Variants in COLEC12 observed in about 807,000 individuals in gnomAD.
COLEC12 encodes collectin-12.
A neutral mutation model predicts 71.1 loss-of-function variants in COLEC12; 33 were observed. The observed-to-expected ratio is 0.46, with a 90% CI of 0.35 to 0.62. COLEC12 has a LOEUF of 0.62. Among genes scored for constraint, COLEC12 ranks in the 20% least tolerant of loss-of-function variants. The probability of loss-of-function intolerance (pLI) is 0.00; values close to 1 mark genes in which losing one functional copy is unlikely to be tolerated. For missense variants in COLEC12, 765 were observed against 916.1 expected (o/e 0.84, Z 2.13); for synonymous variants, 350 against 353.0 (o/e 0.99, Z 0.10).
At chr18:395,138 A>G (rs1275504696) in intron 2 of COLEC12, among the ~76,000 whole-genome samples, 1 of 152,236 alleles carries the variant, frequency 6.6e-6, no homozygotes, top group African/African-American at 2.4e-5. Context: ...AAGGTGAATG[A>G]AAGCCAAGTG....
chr18:325,544 G>A (rs1448048174), intron 8 of COLEC12, among the ~76,000 whole-genome samples: 4 of 149,760 alleles, frequency 2.7e-5, no homozygotes, highest in Non-Finnish European at 1.5e-5. Flanking sequence ...CGCAGGTCTA[G>A]CAGGCAGCCT....
chr18:454,128 TG>T (rs1183023775), intron 2 of COLEC12, among the ~76,000 whole-genome samples: 1 of 150,758 alleles, frequency 6.6e-6, no homozygotes, highest in African/African-American at 2.4e-5. Flanking sequence ...GCCCTCCCCA[TG>T]GGCCCCCTGG....
intron 3 of COLEC12, among the ~76,000 whole-genome samples, chr18:350,758 T>C (rs1344378587): frequency 1.3e-5 from 2 of 151,924 alleles, no homozygotes; most frequent in East Asian, 3.9e-4. Flanking sequence ...TGAAACCCCA[T>C]CTCTACTAAA....
chr18:367,661 G>A (rs1408163658), intron 2 of COLEC12, among the ~76,000 whole-genome samples: 1 of 152,154 alleles, frequency 6.6e-6, no homozygotes. Context: ...TCCAAATGAG[G>A]AAAAGTTGGC....
intron 7 of COLEC12, among the ~76,000 whole-genome samples, 190 bp from the exon 8 acceptor site, chr18:331,967 T>A (rs1314123072): frequency 2.6e-5 from 4 of 152,224 alleles, no homozygotes; most frequent in Non-Finnish European, 4.4e-5. Context: ...GGGCTTTGAC[T>A]TTTTTCCTCT....
At chr18:341,471 T>C (rs1914250659) in intron 5 of COLEC12, among the ~76,000 whole-genome samples, 2 of 152,244 alleles carry the variant, frequency 1.3e-5, no homozygotes, top group African/African-American at 2.4e-5. Flanking sequence ...GCTAGCTAGA[T>C]GTCAGCATCC....
Position 382,368 on chromosome 18 carries a change from C to G in COLEC12, c.59-24846G>C, listed in dbSNP as rs149841316. The stretch of plus-strand genomic sequence containing the variant: ...TTAGCTTCACAGATATGTGGTCTTA[C>G]TACTTTATATAGTAAATTTACTTGT... On this transcript the variant is annotated intron_variant, in intron 2 of 9. Coordinates refer to ENST00000400256, the MANE Select transcript of COLEC12 (RefSeq NM_130386.3). Among the ~76,000 whole-genome samples, 19 of 152,274 alleles carry G rather than the reference C, an allele frequency of 1.2e-4. 1 individual carries two copies. Among genetic ancestry groups the G allele is most frequent in the Admixed American group, 1.2e-3 (18 of 15,284 alleles).
chr18:333,727 A>T (rs1035091903), intron 6 of COLEC12: 3 of 152,272 alleles, frequency 2.0e-5, no homozygotes, highest in African/African-American at 7.2e-5. Context: ...TCAATAGCAG[A>T]GGGTTCCATC....
intron 2 of COLEC12, among the ~76,000 whole-genome samples, chr18:360,863 C>T (rs1419425209): frequency 6.6e-6 from 1 of 151,948 alleles, no homozygotes; most frequent in Non-Finnish European, 1.5e-5. Flanking sequence ...CCATTTTTCC[C>T]CTCCCCTTCC....
At position 450,574 on chromosome 18, in the gene COLEC12, C is replaced by G. The variant is rs752092634; in HGVS notation, c.58+30133G>C. 5.8e-4 allele frequency among the ~76,000 whole-genome samples: 88 copies of G among 152,232 alleles called. 1 individual carries two copies. The highest frequency in any genetic ancestry group is 2.1e-4 in the South Asian group (1 of 4,830). On this transcript the variant is annotated intron_variant, in intron 2 of 9. Coordinates refer to ENST00000400256, the MANE Select transcript of COLEC12 (RefSeq NM_130386.3). The stretch of plus-strand genomic sequence containing the variant: ...TATGCTTCCTGTACAGCCTGCAGAA[C>G]TGTGAGCCAATTAAACCTCTTTTCT...
intron 2 of COLEC12, among the ~76,000 whole-genome samples, chr18:459,644 T>G (rs1211961278): frequency 1.3e-5 from 2 of 152,236 alleles, no homozygotes; most frequent in African/African-American, 4.8e-5. Context: ...AGGTGCCCTA[T>G]GCACACCGCA....
intron 2 of COLEC12, among the ~76,000 whole-genome samples, chr18:423,500 T>G (rs1916138403): frequency 1.3e-5 from 2 of 152,194 alleles, no homozygotes; most frequent in Non-Finnish European, 2.9e-5. Context: ...TTCTTCACAG[T>G]GCATAAACTA....
intron 2 of COLEC12, among the ~76,000 whole-genome samples, chr18:411,049 C>T (rs951105631): frequency 1.3e-5 from 2 of 152,068 alleles, no homozygotes; most frequent in Non-Finnish European, 2.9e-5. Context: ...ACCCCTACTG[C>T]GCTATCAAAA....
At chr18:478,525 A>G (rs1476410726) in intron 2 of COLEC12, among the ~76,000 whole-genome samples, 1 of 152,138 alleles carries the variant, frequency 6.6e-6, no homozygotes, top group Non-Finnish European at 1.5e-5. Flanking sequence ...AGGCAGGAGG[A>G]TTGCTTGAGC....
intron 2 of COLEC12, among the ~76,000 whole-genome samples, chr18:438,183 T>C (rs1263197921): frequency 6.6e-6 from 1 of 152,204 alleles, no homozygotes; most frequent in African/African-American, 2.4e-5. Flanking sequence ...AAAAAGTAGA[T>C]ATGAGTGATT....
At chr18:385,902 G>C (rs1003475449) in intron 2 of COLEC12, among the ~76,000 whole-genome samples, 21 of 152,124 alleles carry the variant, frequency 1.4e-4, no homozygotes, top group Admixed American at 2.0e-4. Context: ...TTATATGTCA[G>C]AATGTATCTA....
Position 459,411 on chromosome 18 carries a change from A to C in COLEC12, c.58+21296T>G, listed in dbSNP as rs145128994. On this transcript the variant is annotated intron_variant, in intron 2 of 9. Coordinates refer to ENST00000400256, the MANE Select transcript of COLEC12 (RefSeq NM_130386.3). ...AGAAAAGTCTACTTTTGAATGAATG[A>C]CCACTTGGAAGAGTTAGCATGCACA... Among the ~76,000 whole-genome samples, 1,370 of 152,340 alleles carry C rather than the reference A, an allele frequency of 9.0e-3. 9 individuals are homozygous for C. Among genetic ancestry groups the C allele is most frequent in the Middle Eastern group, 0.024 (7 of 294 alleles).
At chr18:326,538 G>A (rs963817500) in intron 8 of COLEC12, among the ~76,000 whole-genome samples, 6 of 152,162 alleles carry the variant, frequency 3.9e-5, no homozygotes, top group Non-Finnish European at 5.9e-5. Context: ...TAGTAGAGAC[G>A]GGGTTTCACC....
intron 8 of COLEC12, among the ~76,000 whole-genome samples, chr18:322,668 G>C (rs1349894465): frequency 6.6e-6 from 1 of 152,224 alleles, no homozygotes; most frequent in Non-Finnish European, 1.5e-5. Context: ...TGCTGCCTGA[G>C]AGGACAAGCC....
Sources: allele counts gnomAD v4.1 joint callset (sites outside exome capture counted in the v4.1 genomes callset), GRCh38; gene constraint gnomAD v4.1.1; transcripts MANE v1.5; gene names NCBI Gene and HGNC (gene_info 2026-07-23, HGNC 2026-07-21).